SUPT3H: variants seen among roughly 807,000 people sequenced by gnomAD.
SUPT3H encodes transcription initiation protein SPT3 homolog.
A neutral mutation model predicts 44.3 loss-of-function variants in SUPT3H; 44 were observed. The ratio of observed to expected loss-of-function variants is 0.99; its 90% CI spans 0.78 to 1.28. SUPT3H has a LOEUF of 1.28. SUPT3H is among the 50% of genes most tolerant of loss of function. The pLI is 0.00. For missense variants in SUPT3H, 380 were observed against 387.1 expected (o/e 0.98, Z 0.15); for synonymous variants, 124 against 125.6 (o/e 0.99, Z 0.09).
intron 10 of SUPT3H, among the ~76,000 whole-genome samples, chr6:44,880,503 T>C (rs1778045569): frequency 6.6e-6 from 1 of 152,144 alleles, no homozygotes; most frequent in South Asian, 2.1e-4. Flanking sequence ...GAAAACACTC[T>C]GCAGGATATT....
intron 2 of SUPT3H, among the ~76,000 whole-genome samples, chr6:45,282,302 G>T (rs997095072): frequency 6.8e-6 from 1 of 147,768 alleles, no homozygotes; most frequent in African/African-American, 2.5e-5. Context: ...GCTAAAGGAG[G>T]TTCGAACGCT....
intron 10 of SUPT3H, 22 bp from the exon 11 acceptor site, chr6:44,829,879 G>A: frequency 6.2e-7 from 1 of 1,612,122 alleles, no homozygotes. Context: ...AAAGAAATCT[G>A]CAATGAATTA....
At chr6:44,896,069 T>C (rs1468853309) in intron 10 of SUPT3H, among the ~76,000 whole-genome samples, 12 of 152,138 alleles carry the variant, frequency 7.9e-5, no homozygotes, top group Non-Finnish European at 1.6e-4. Flanking sequence ...CTTTTTTCTG[T>C]AACACAACCT....
chr6:45,264,752 T>C (rs963451267), intron 2 of SUPT3H, among the ~76,000 whole-genome samples: 1 of 151,204 alleles, frequency 6.6e-6, no homozygotes, highest in African/African-American at 2.4e-5. Context: ...TCTTATAATA[T>C]TTGCTACCAA....
At chr6:45,354,291 A>G (rs1295656463) in intron 2 of SUPT3H, among the ~76,000 whole-genome samples, 1 of 152,208 alleles carries the variant, frequency 6.6e-6, no homozygotes, top group Non-Finnish European at 1.5e-5. Context: ...ACACAATGAA[A>G]TAAAAAGATC....
chr6:45,169,875 T>A (rs1810497056), intron 2 of SUPT3H, among the ~76,000 whole-genome samples: 1 of 152,230 alleles, frequency 6.6e-6, no homozygotes, highest in Non-Finnish European at 1.5e-5. Flanking sequence ...GCTTGCAATG[T>A]CATTTTTTTA....
intron 5 of SUPT3H, among the ~76,000 whole-genome samples, chr6:45,012,477 T>C (rs1234620620): frequency 6.6e-6 from 1 of 152,098 alleles, no homozygotes; most frequent in East Asian, 1.9e-4. Context: ...AATTGTATTC[T>C]TGAACTCCGT....
chr6:45,375,269 A>T (rs1394964927), intron 1 of SUPT3H, among the ~76,000 whole-genome samples: 2 of 152,192 alleles, frequency 1.3e-5, no homozygotes, highest in Non-Finnish European at 2.9e-5. Flanking sequence ...TATATATTAC[A>T]AGTCCCAACA....
At chr6:45,124,985 A>C (rs1387592779) in intron 2 of SUPT3H, among the ~76,000 whole-genome samples, 1 of 152,180 alleles carries the variant, frequency 6.6e-6, no homozygotes, top group East Asian at 1.9e-4. Context: ...ATGTGACTGG[A>C]GTGATGAATC....
At chr6:45,016,348 ATT>A (rs1784271802) in intron 4 of SUPT3H, among the ~76,000 whole-genome samples, 1 of 151,296 alleles carries the variant, frequency 6.6e-6, no homozygotes, top group South Asian at 2.1e-4. Flanking sequence ...TTATTTTTTT[ATT>A]TTATTATTAC....
chr6:45,264,875 A>G (rs1396799102), intron 2 of SUPT3H, among the ~76,000 whole-genome samples: 1 of 152,144 alleles, frequency 6.6e-6, no homozygotes, highest in Non-Finnish European at 1.5e-5. Context: ...CATGAGAACT[A>G]GTTTAAAGAA....
chr6:45,039,734 G>C (rs139640124), intron 3 of SUPT3H, among the ~76,000 whole-genome samples: 1 of 151,530 alleles, frequency 6.6e-6, no homozygotes, highest in Admixed American at 6.6e-5. Context: ...GCAGTGAGCC[G>C]AGATTGCACC....
rs1026009605 is a variant in SUPT3H at position 44,829,243 on chromosome 6, C to CATACT, written c.*568_*572dup. 2.0e-5 allele frequency: 3 copies of CATACT among 152,200 alleles called. No homozygotes were observed. The highest frequency in any genetic ancestry group is 4.4e-5 in the Non-Finnish European group (3 of 68,096). The allele number at this position is 152,200 out of a possible 1,614,324, so 9.4% of individuals were successfully genotyped here. ...TGGGAAGCAGGCATTGAAAATGACA[C>CATACT]ATACTATAAGTGGAGTGAAGGGGAA... On this transcript the variant is annotated 3_prime_UTR_variant, in exon 11 of 11. Transcript: ENST00000371459.
chr6:44,888,117 T>TA (rs1246477520), intron 10 of SUPT3H, among the ~76,000 whole-genome samples: 1 of 152,156 alleles, frequency 6.6e-6, no homozygotes, highest in Non-Finnish European at 1.5e-5. Flanking sequence ...ATTGTGGCAA[T>TA]AATCAATGGC....
intron 2 of SUPT3H, among the ~76,000 whole-genome samples, chr6:45,323,582 T>C (rs1163944546): frequency 1.3e-5 from 2 of 151,988 alleles, no homozygotes; most frequent in Admixed American, 6.6e-5. Flanking sequence ...ATAAAAGACA[T>C]CTTAAAACAA....
chr6:44,910,085 C>A (rs115990231), intron 10 of SUPT3H, among the ~76,000 whole-genome samples: 1 of 152,188 alleles, frequency 6.6e-6, no homozygotes. Context: ...ACTTCCCTTG[C>A]TCCAGTTGGG....
chr6:45,287,995 C>T (rs1779598896), intron 2 of SUPT3H, among the ~76,000 whole-genome samples: 1 of 152,028 alleles, frequency 6.6e-6, no homozygotes. Flanking sequence ...TTATATTTGC[C>T]TTTAAAGTTT....
chr6:44,933,904 T>A (rs1034265055), intron 9 of SUPT3H, among the ~76,000 whole-genome samples: 8 of 152,350 alleles, frequency 5.3e-5, no homozygotes, highest in African/African-American at 1.9e-4. Context: ...TGACTCAGCC[T>A]CCTGGGTAAT....
intron 10 of SUPT3H, among the ~76,000 whole-genome samples, chr6:44,928,380 T>G (rs1373101801): frequency 6.6e-6 from 1 of 152,114 alleles, no homozygotes; most frequent in Admixed American, 6.5e-5. Flanking sequence ...TCTCTAAAGG[T>G]TCTTTAGAGT....
Sources: gnomAD v4.1 joint callset for allele counts (sites outside exome capture counted in the v4.1 genomes callset) on GRCh38, gnomAD v4.1.1 for gene constraint, MANE v1.5 for transcripts, NCBI Gene and HGNC (gene_info 2026-07-23, HGNC 2026-07-21) for gene names.